The following BRWD3 variants were observed in gnomAD, a reference collection of about 807,000 sequenced individuals.
The protein encoded by BRWD3 is bromodomain and WD repeat domain containing 3.
BRWD3 carries 10 observed loss-of-function variants against 149.7 expected under a neutral mutation model. The observed-to-expected ratio is 0.07, with a 90% CI of 0.04 to 0.11. The LOEUF is 0.11. Among genes scored for constraint, BRWD3 ranks in the 10% least tolerant of loss-of-function variants. BRWD3 has a pLI of 1.00. For missense variants in BRWD3, 940 were observed against 1,373.2 expected (o/e 0.68, Z 4.99); for synonymous variants, 504 against 456.7 (o/e 1.10, Z -1.32).
At chrX:80,806,976 A>C (rs1273592435) in intron 4 of BRWD3, among the ~76,000 whole-genome samples, 1 of 111,979 alleles carries the variant, frequency 8.9e-6, no homozygotes, top group Non-Finnish European at 1.9e-5. Context: ...TTTCCTTTTA[A>C]TCTCCTTTGC....
At chrX:80,683,609 T>C (rs1262782392) in intron 37 of BRWD3, among the ~76,000 whole-genome samples, 1 of 111,952 alleles carries the variant, frequency 8.9e-6, no homozygotes, top group Middle Eastern at 4.7e-3. Context: ...ATAGGGAAGA[T>C]ATTAAATGTG....
Position 80,723,627 on chromosome X carries a change from C to G in BRWD3, c.1650+121G>C. On this transcript the variant is annotated intron_variant, in intron 16 of 40. Coordinates refer to ENST00000373275, the MANE Select transcript of BRWD3 (RefSeq NM_153252.5). ...TGAGAACCTTTACTAAGAAAGACAA[C>G]TTTCTTTTATTTTGTATCTATTGAC... 15 of 790,510 alleles carry G rather than the reference C, an allele frequency of 1.9e-5. No individual in the cohort carries two copies. In the South Asian group the frequency reaches 3.7e-4, roughly 19 times the overall value. 65.1% of individuals were successfully genotyped at this position (790,510 alleles called of 1,213,427 possible). A position where few individuals can be genotyped will look rare whatever the true frequency, so the allele number is the denominator to read the frequency against.
chrX:80,807,899 T>A (rs965614334), intron 4 of BRWD3, among the ~76,000 whole-genome samples: 3 of 111,537 alleles, frequency 2.7e-5, no homozygotes, highest in African/African-American at 9.8e-5. Context: ...GCTTATAAAA[T>A]CGGAGATACG....
intron 12 of BRWD3, among the ~76,000 whole-genome samples, chrX:80,731,302 C>T (rs1006840349): frequency 1.7e-4 from 19 of 111,079 alleles, no homozygotes; most frequent in Non-Finnish European, 2.5e-4. Flanking sequence ...ATTGGCCACA[C>T]GAATAATTAA....
chrX:80,694,484 C>T (rs370443489), intron 27 of BRWD3, among the ~76,000 whole-genome samples: 2 of 110,512 alleles, frequency 1.8e-5, no homozygotes, highest in Non-Finnish European at 3.8e-5. Flanking sequence ...CAACGTGCGC[C>T]GTGTGCCTGG....
rs1446177469 is a variant in BRWD3 at position 80,673,551 on chromosome X, T to C, written c.*3058A>G. 1 of 111,421 alleles carries C rather than the reference T, an allele frequency of 9.0e-6. No homozygotes were observed. Among genetic ancestry groups the C allele is most frequent in the Admixed American group, 9.6e-5 (1 of 10,458 alleles). 9.2% of individuals were successfully genotyped at this position (111,421 alleles called of 1,213,427 possible). On this transcript the variant is annotated 3_prime_UTR_variant, in exon 41 of 41. Transcript: ENST00000373275. ...CACACATATACAAAAATTTAGTAAG[T>C]AGGCTAGTAGGCTAGTGAATGTTTT...
chrX:80,718,404 G>T (rs375065101), intron 18 of BRWD3, among the ~76,000 whole-genome samples: 2 of 111,749 alleles, frequency 1.8e-5, no homozygotes, highest in South Asian at 3.7e-4. Context: ...ACAAATAGAA[G>T]TCAGTGGGGT....
intron 40 of BRWD3, among the ~76,000 whole-genome samples, chrX:80,680,706 TCTC>T (rs200711043): frequency 0.013 from 1,425 of 111,585 alleles, 32 homozygotes; most frequent in African/African-American, 0.044. Context: ...CTTTGGAAAC[TCTC>T]CTTTCTTATT....
chrX:80,690,742 C>G (rs1481376033), intron 31 of BRWD3, among the ~76,000 whole-genome samples: 1 of 111,492 alleles, frequency 9.0e-6, no homozygotes, highest in Non-Finnish European at 1.9e-5. Context: ...AAACATGCTC[C>G]AAATTTGTAG....
intron 6 of BRWD3, among the ~76,000 whole-genome samples, chrX:80,772,941 A>G (rs1346295771): frequency 8.9e-6 from 1 of 112,208 alleles, no homozygotes; most frequent in East Asian, 2.8e-4. Flanking sequence ...CTTGCAACAA[A>G]TAAGATGAAT....
intron 34 of BRWD3, among the ~76,000 whole-genome samples, chrX:80,687,320 T>G (rs1452864940): frequency 9.0e-6 from 1 of 111,332 alleles, no homozygotes; most frequent in Non-Finnish European, 1.9e-5. Context: ...GCCTTAATAT[T>G]TGCCGGTAGT....
chrX:80,797,200 T>A (rs911145422), intron 4 of BRWD3, among the ~76,000 whole-genome samples: 1 of 111,952 alleles, frequency 8.9e-6, no homozygotes, highest in African/African-American at 3.2e-5. Flanking sequence ...TATTAACAAC[T>A]GTAACAGCTT....
intron 8 of BRWD3, among the ~76,000 whole-genome samples, chrX:80,739,976 G>A (rs1177483593): frequency 9.0e-6 from 1 of 111,588 alleles, no homozygotes; most frequent in African/African-American, 3.3e-5. Context: ...TTTTTCAATG[G>A]CATATGACAG....
Position 80,793,684 on chromosome X carries a change from C to G in BRWD3, c.269G>C (p.Ser90Thr). Reference sequence around the variant, plus strand: ...TAATAATGTCTGTACCCCAGGAACACTCTGAGGGATCTCTTTATCTAGTAA... The same window carrying G: ...TAATAATGTCTGTACCCCAGGAACAGTCTGAGGGATCTCTTTATCTAGTAA... ...GPLLDKEIPQSVPGVQTLLGV... is the reference protein window; with the variant it reads ...GPLLDKEIPQTVPGVQTLLGV... The change falls in exon 5 of 41, where the codon AGT (serine) becomes ACT (threonine). Residue 90 changes from serine to threonine, a missense_variant. Around this residue, in one of 6 missense-constraint regions of BRWD3, gnomAD observed 105 missense variants for 127.7 expected, o/e 0.82. Coordinates refer to ENST00000373275, the MANE Select transcript of BRWD3 (RefSeq NM_153252.5). 8.3e-7 allele frequency: 1 copy of G among 1,208,402 alleles called. No homozygotes were observed. Among genetic ancestry groups the G allele is most frequent in the Non-Finnish European group, 1.1e-6 (1 of 892,641 alleles).
At chrX:80,713,489 G>C in intron 20 of BRWD3, among the ~76,000 whole-genome samples, 1 of 109,898 alleles carries the variant, frequency 9.1e-6, no homozygotes, top group South Asian at 3.9e-4. Context: ...ATGCTTGAAG[G>C]CAGCATGCTC....
At chrX:80,750,089 C>T (rs1439272723) in intron 6 of BRWD3, among the ~76,000 whole-genome samples, 1 of 111,620 alleles carries the variant, frequency 9.0e-6, no homozygotes, top group African/African-American at 3.3e-5. Flanking sequence ...CAAAAACCAA[C>T]TCAAAATGAA....
intron 6 of BRWD3, among the ~76,000 whole-genome samples, chrX:80,753,020 T>C (rs1437009108): frequency 8.9e-6 from 1 of 111,754 alleles, no homozygotes; most frequent in Non-Finnish European, 1.9e-5. Context: ...GAAAAATACC[T>C]ATTTATGTCT....
chrX:80,802,573 T>C (rs2147868421), intron 4 of BRWD3, among the ~76,000 whole-genome samples: 1 of 110,125 alleles, frequency 9.1e-6, no homozygotes, highest in East Asian at 2.8e-4. Flanking sequence ...GGTCTCTCTA[T>C]CCTAATTTTA....
In BRWD3 at chrX:80,809,058, A is replaced by AC. The variant is rs1491120775; in HGVS notation, c.91-17dup. 1.7e-6 allele frequency: 2 copies of AC among 1,186,724 alleles called. No individual in the cohort carries two copies. The highest frequency in any genetic ancestry group is 2.3e-6 in the Non-Finnish European group (2 of 882,227). On this transcript the variant is annotated splice_polypyrimidine_tract_variant and intron_variant, in intron 2 of 40. Transcript: ENST00000373275. ...GCACTAGCACCTGAGCAAAAGGGAA[A>AC]CACAGATATGAGGAGCAGCTCGGGC...
Sources: gnomAD v4.1 joint callset for allele counts (sites outside exome capture counted in the v4.1 genomes callset) on GRCh38, gnomAD v4.1.1 for gene constraint, gnomAD v4.1.1 regional missense constraint, MANE v1.5 for transcripts, NCBI Gene and HGNC (gene_info 2026-07-23, HGNC 2026-07-21) for gene names.